The following ATP11A variants were observed in gnomAD, a reference collection of about 807,000 sequenced individuals.
ATP11A encodes phospholipid-transporting ATPase IH.
A neutral mutation model predicts 154.4 loss-of-function variants in ATP11A; 81 were observed. The ratio of observed to expected loss-of-function variants is 0.52; its 90% CI spans 0.44 to 0.63. The LOEUF (loss-of-function observed/expected upper bound fraction) is 0.63, where lower values mean the gene tolerates loss of function less well. ATP11A is among the 30% of genes least tolerant of loss of function. The probability of loss-of-function intolerance (pLI) is 0.00; values close to 1 mark genes in which losing one functional copy is unlikely to be tolerated. For missense variants in ATP11A, 1,316 were observed against 1,474.3 expected (o/e 0.89, Z 1.76); for synonymous variants, 623 against 585.9 (o/e 1.06, Z -0.91).
At chr13:112,870,545 A>T (rs1040127269) in intron 25 of ATP11A, among the ~76,000 whole-genome samples, 1 of 151,996 alleles carries the variant, frequency 6.6e-6, no homozygotes, top group Non-Finnish European at 1.5e-5. Context: ...CGCCCGGCTA[A>T]TGTTTGTATT....
chr13:112,754,043 G>A lies in ATP11A; in HGVS notation c.40-31092G>A, dbSNP rs1237405828. On this transcript the variant is annotated intron_variant, in intron 1 of 29. Coordinates refer to ENST00000375645, the MANE Select transcript of ATP11A (RefSeq NM_015205.3). This position sits in a 1 kb window ranked among gnomAD's most constrained non-coding sequence, Gnocchi z 5.3. ...TTGACCAGGCAGCATCCAGGGCGTC[G>A]CTGTCTCACCGTGGTCCCCAGTGTT... Among the ~76,000 whole-genome samples the A allele has an allele frequency of 6.6e-6, 1 of 152,186 alleles. No homozygotes were observed. The highest frequency in any genetic ancestry group is 2.4e-5 in the African/African-American group (1 of 41,446).
intron 5 of ATP11A, among the ~76,000 whole-genome samples, chr13:112,815,767 A>G (rs993810560): frequency 1.3e-5 from 2 of 152,222 alleles, no homozygotes; most frequent in East Asian, 1.9e-4. Flanking sequence ...ATTTAGATCA[A>G]AGCTTCTCAC....
At chr13:112,855,467 C>T (rs1174961643) in intron 19 of ATP11A, among the ~76,000 whole-genome samples, 1 of 152,182 alleles carries the variant, frequency 6.6e-6, no homozygotes, top group Non-Finnish European at 1.5e-5. Flanking sequence ...TGTGAGCCAC[C>T]GCATCCAGCC....
Position 112,859,476 on chromosome 13 carries a change from C to T in ATP11A, c.2727+24C>T. On this transcript the variant is annotated intron_variant, in intron 23 of 29. Transcript: ENST00000375645. The surrounding 1 kb of genome is among the most constrained non-coding windows in gnomAD (Gnocchi z 4.3). ...AGGTCAGTCCTAGGGTCTTCAGGGA[C>T]AGGCTGTCTGAGCCTTCTTTTCCTT... is the stretch of plus-strand genomic sequence containing the variant. 6.2e-7 allele frequency: 1 copy of T among 1,600,114 alleles called. No homozygotes were observed.
intron 1 of ATP11A, among the ~76,000 whole-genome samples, chr13:112,780,973 G>A (rs1004133097): frequency 6.6e-6 from 1 of 152,066 alleles, no homozygotes; most frequent in East Asian, 1.9e-4. Context: ...AGAGCTTCCC[G>A]ACTACCCGTG....
At chr13:112,788,469 T>C (rs899751289) in intron 2 of ATP11A, among the ~76,000 whole-genome samples, 10 of 151,316 alleles carry the variant, frequency 6.6e-5, no homozygotes, top group Non-Finnish European at 1.0e-4. Flanking sequence ...GGAGACCTAC[T>C]TAATTCACAC....
In ATP11A at chr13:112,833,040, G is replaced by T; in HGVS notation, c.1559+17G>T. On this transcript the variant is annotated intron_variant, in intron 14 of 29. Transcript: ENST00000375645. Reference sequence around the variant, plus strand: ...TGTCCAGAGGTACGTCGCGGGCCAAGGGTCTGCCTGGGTTTCCTGATGTGA... The same window carrying T: ...TGTCCAGAGGTACGTCGCGGGCCAATGGTCTGCCTGGGTTTCCTGATGTGA... 1 of 1,600,910 alleles carries T rather than the reference G, an allele frequency of 6.2e-7. No individual in the cohort carries two copies. The highest frequency in any genetic ancestry group is 8.5e-7 in the Non-Finnish European group (1 of 1,172,212).
intron 1 of ATP11A, among the ~76,000 whole-genome samples, chr13:112,692,361 G>T (rs527552201): frequency 6.6e-6 from 1 of 152,264 alleles, no homozygotes; most frequent in Admixed American, 6.5e-5. Context: ...GGGCCAGCCC[G>T]GCTCACCCTT....
rs953533715 is a variant in ATP11A at position 112,876,063 on chromosome 13, A to G, written c.3327+122A>G. 12 of 1,137,182 alleles carry G rather than the reference A, an allele frequency of 1.1e-5. No homozygotes were observed. The African/African-American group carries it at 1.9e-4, about 18-fold the overall frequency. The allele number at this position is 1,137,182 out of a possible 1,614,324, so 70.4% of individuals were successfully genotyped here. On this transcript the variant is annotated intron_variant, in intron 28 of 29. Transcript: ENST00000375645. ...TTCATGAAACGTGATCAGTTCAGGT[A>G]TCACTAATGAGTGTCCTGACGGTGC...
chr13:112,727,327 G>T (rs1035856617), intron 1 of ATP11A, among the ~76,000 whole-genome samples: 4 of 152,214 alleles, frequency 2.6e-5, no homozygotes, highest in African/African-American at 9.6e-5. Flanking sequence ...GATTAGAGGC[G>T]TGAGCCACTG....
chr13:112,712,077 A>G (rs1314441780), intron 1 of ATP11A, among the ~76,000 whole-genome samples: 1 of 152,220 alleles, frequency 6.6e-6, no homozygotes, highest in East Asian at 1.9e-4. Flanking sequence ...TTTAAAAAAC[A>G]AAGCAGAAGC....
chr13:112,832,769 C>G (rs2079130557), intron 13 of ATP11A, 91 bp from the exon 14 acceptor site: 19 of 1,498,710 alleles, frequency 1.3e-5, no homozygotes, highest in East Asian at 2.3e-5. Flanking sequence ...ACCCCCCCCA[C>G]CCCGCTTCTT....
intron 1 of ATP11A, among the ~76,000 whole-genome samples, chr13:112,760,329 C>A (rs771366368): frequency 2.0e-5 from 3 of 152,160 alleles, no homozygotes; most frequent in Non-Finnish European, 2.9e-5. Flanking sequence ...TGTATAGGGC[C>A]CCCGCCGAGT....
rs144567935 is a variant in ATP11A at position 112,870,152 on chromosome 13, G to A, written c.2992-1583G>A. On this transcript the variant is annotated intron_variant, in intron 25 of 29. Transcript: ENST00000375645. ...GAGGCCCACTTCTGATCACAATGAG[G>A]AAGTGAGGGAAAAACTGAAGGATGT... Among the ~76,000 whole-genome samples, 1,093 of 152,284 alleles carry A rather than the reference G, an allele frequency of 7.2e-3. 5 individuals carry two copies. The highest frequency in any genetic ancestry group is 0.016 in the South Asian group (75 of 4,830).
chr13:112,826,892 G>A lies in ATP11A; in HGVS notation c.1221+1G>A. The A allele has an allele frequency of 6.2e-7, 1 of 1,614,194 alleles. No homozygotes were observed. The highest frequency in any genetic ancestry group is 8.5e-7 in the Non-Finnish European group (1 of 1,180,012). On this transcript the variant is annotated splice_donor_variant, in intron 12 of 29. Transcript: ENST00000375645. LOFTEE classifies it high-confidence loss of function. ...GGACCTCAATGAAGAGCTGGGACAG[G>A]TTGGTGTCTCCTGAGTCATCTGCTG...
chr13:112,827,303 C>T (rs961810125), intron 12 of ATP11A, among the ~76,000 whole-genome samples: 5 of 152,234 alleles, frequency 3.3e-5, no homozygotes, highest in Admixed American at 6.5e-5. Context: ...AGAGTTCAGA[C>T]GCCTCCATTC....
At position 112,859,910 on chromosome 13, in the gene ATP11A, A is replaced by G. The variant is rs1271754960; in HGVS notation, c.2728-377A>G. ...CTCCCCGGGCATCTGCCCTAGATGG[A>G]CACCTCCTTCTGTCACATGTGTGCT... On this transcript the variant is annotated intron_variant, in intron 23 of 29. Transcript: ENST00000375645. The surrounding 1 kb of genome is among the most constrained non-coding windows in gnomAD (Gnocchi z 4.3). Among the ~76,000 whole-genome samples, 2 of 152,212 alleles carry G rather than the reference A, an allele frequency of 1.3e-5. No homozygotes were observed. The highest frequency in any genetic ancestry group is 2.4e-5 in the African/African-American group (1 of 41,450).
intron 1 of ATP11A, among the ~76,000 whole-genome samples, chr13:112,780,633 T>G (rs541286516): frequency 5.8e-4 from 89 of 152,170 alleles, no homozygotes; most frequent in Non-Finnish European, 1.0e-3. Context: ...TCGAGATGTT[T>G]CCTTTGGTCG....
chr13:112,701,222 A>G (rs1886484602), intron 1 of ATP11A, among the ~76,000 whole-genome samples: 1 of 152,210 alleles, frequency 6.6e-6, no homozygotes. Context: ...CCAGGAGAGG[A>G]GAACTCTGGG....
Sources: gnomAD v4.1 joint callset for allele counts (sites outside exome capture counted in the v4.1 genomes callset) on GRCh38, gnomAD v4.1.1 for gene constraint, Gnocchi (gnomAD v3.1) non-coding constraint, MANE v1.5 for transcripts, NCBI Gene and HGNC (gene_info 2026-07-23, HGNC 2026-07-21) for gene names.